PCDHA4: variants seen among roughly 807,000 people sequenced by gnomAD.
PCDHA4 encodes protocadherin alpha-4.
In PCDHA4, 49 loss-of-function variants were observed where a neutral mutation model predicts 61.4. That is an observed-to-expected ratio of 0.80 (90% CI 0.63 to 1.01). The LOEUF (loss-of-function observed/expected upper bound fraction) is 1.01, where lower values mean the gene tolerates loss of function less well. Among genes scored for constraint, PCDHA4 ranks in the 50% least tolerant of loss-of-function variants. The pLI is 0.00. For missense variants in PCDHA4, 1,254 were observed against 1,235.8 expected, an observed-to-expected ratio of 1.01 and a Z score of -0.22; for synonymous variants, 590 against 550.3, an observed-to-expected ratio of 1.07 and a Z score of -1.01.
At chr5:140,990,962 T>C (rs2097423975) in intron 3 of PCDHA4, among the ~76,000 whole-genome samples, 2 of 152,180 alleles carry the variant, frequency 1.3e-5, no homozygotes, top group Non-Finnish European at 2.9e-5. Context: ...AATAGTCTCT[T>C]AGAACAAGAG....
chr5:140,969,292 C>G, intron 1 of PCDHA4: 2 of 1,614,208 alleles, frequency 1.2e-6, no homozygotes, highest in Non-Finnish European at 1.7e-6. Context: ...ATGCTGGGAA[C>G]CTGATTATTC....
chr5:140,823,376 T>C (rs2150125148), intron 1 of PCDHA4: 16 of 1,612,654 alleles, frequency 9.9e-6, no homozygotes, highest in Non-Finnish European at 1.4e-5. Context: ...CAGTTCCAGG[T>C]GAGCGCGCGC....
At chr5:140,920,932 G>A (rs2079937589) in intron 1 of PCDHA4, among the ~76,000 whole-genome samples, 1 of 151,286 alleles carries the variant, frequency 6.6e-6, no homozygotes, top group Admixed American at 6.6e-5. Flanking sequence ...AGGTGATCTA[G>A]CCCTTTCATT....
At chr5:140,946,546 A>G (rs1418590491) in intron 1 of PCDHA4, among the ~76,000 whole-genome samples, 5 of 150,480 alleles carry the variant, frequency 3.3e-5, no homozygotes, top group Admixed American at 1.3e-4. Flanking sequence ...AGCATTATTC[A>G]TGATAGTTCA....
rs1291498310 is a variant in PCDHA4, at chr5:140,946,680, G to A, written c.2386-32269G>A. Among the ~76,000 whole-genome samples, 6 of 145,092 alleles carry A rather than the reference G, an allele frequency of 4.1e-5. No homozygotes were observed. In the East Asian group the frequency reaches 9.9e-4, roughly 24 times the overall value. On this transcript the variant is annotated intron_variant, in intron 1 of 3. Coordinates refer to ENST00000530339, the MANE Select transcript of PCDHA4 (RefSeq NM_018907.4). ...TAGAAAGAATGAAATCCTGTCATTCGTGACAATATGGATGAATCTGGAGGT... is the reference window on the plus strand; with the variant it reads ...TAGAAAGAATGAAATCCTGTCATTCATGACAATATGGATGAATCTGGAGGT...
chr5:140,959,085 G>A (rs1286885776), intron 1 of PCDHA4, among the ~76,000 whole-genome samples: 8 of 151,980 alleles, frequency 5.3e-5, no homozygotes, highest in African/African-American at 1.9e-4. Flanking sequence ...ATTATCCTTG[G>A]TTTCGGACAT....
chr5:140,842,480 T>C (rs1554139085), intron 1 of PCDHA4: 2 of 1,613,826 alleles, frequency 1.2e-6, no homozygotes, highest in Non-Finnish European at 1.7e-6. Flanking sequence ...GCAGGTGACC[T>C]GCTCCCTGAT....
chr5:140,991,838 G>T (rs1056330823), intron 3 of PCDHA4, among the ~76,000 whole-genome samples: 1 of 152,110 alleles, frequency 6.6e-6, no homozygotes, highest in Non-Finnish European at 1.5e-5. Context: ...CGGCAGAACC[G>T]CACTTCCAGA....
chr5:140,854,159 C>CAAAAA (rs59855104), intron 1 of PCDHA4: 4,589 of 339,800 alleles, frequency 0.014, 33 homozygotes, highest in Middle Eastern at 0.024. Flanking sequence ...GATTCTGTCT[C>CAAAAA]AAAAAAAAAA....
intron 1 of PCDHA4, chr5:140,884,716 GTTGT>G (rs782735758): frequency 2.8e-5 from 41 of 1,468,898 alleles, no homozygotes; most frequent in Middle Eastern, 3.6e-4. Flanking sequence ...CTTCCTTGCA[GTTGT>G]TTGTTTAAGA....
chr5:140,962,939 C>CA (rs2095722674), intron 1 of PCDHA4, among the ~76,000 whole-genome samples: 1 of 152,134 alleles, frequency 6.6e-6, no homozygotes, highest in African/African-American at 2.4e-5. Context: ...ACCTCCTCTC[C>CA]ATAAGATATG....
At position 140,836,649 on chromosome 5, in the gene PCDHA4, C is replaced by A; in HGVS notation, c.2385+27077C>A. The A allele has an allele frequency of 2.5e-6, 4 of 1,613,466 alleles. 1 individual carries two copies. The highest frequency in any genetic ancestry group is 3.4e-6 in the Non-Finnish European group (4 of 1,179,602). On this transcript the variant is annotated intron_variant, in intron 1 of 3. Transcript: ENST00000530339. ...CTGGTCATTCTCCCAGCAGAGGCGGCAGAGGGTGTGCTCTGGGGAGGGCCC... is the reference window on the plus strand; with the variant it reads ...CTGGTCATTCTCCCAGCAGAGGCGGAAGAGGGTGTGCTCTGGGGAGGGCCC...
chr5:140,863,019 T>A (rs781817571), intron 1 of PCDHA4: 6 of 554,136 alleles, frequency 1.1e-5, no homozygotes, highest in Admixed American at 5.7e-5. Context: ...GACGCCTGGT[T>A]GTCGCAACAG....
intron 1 of PCDHA4, among the ~76,000 whole-genome samples, chr5:140,954,291 T>C (rs1309677058): frequency 6.6e-6 from 1 of 152,230 alleles, no homozygotes; most frequent in African/African-American, 2.4e-5. Context: ...TTCCTTTGGG[T>C]ACATACCCAG....
intron 1 of PCDHA4, chr5:140,883,696 G>A (rs142212706): frequency 6.2e-7 from 1 of 1,613,818 alleles, no homozygotes; most frequent in Non-Finnish European, 8.5e-7. Flanking sequence ...ACATCTTCAC[G>A]GTGTCTGCTC....
rs533097473 is a variant in PCDHA4 at position 140,902,214 on chromosome 5, T to C, written c.2386-76735T>C. ...CTCTCTCTCTCTTTCTTTTTTTTTT[T>C]TTTTTTTGAGATGAGGACTTGCTTT... On this transcript the variant is annotated intron_variant, in intron 1 of 3. Coordinates refer to ENST00000530339, the MANE Select transcript of PCDHA4 (RefSeq NM_018907.4). Among the ~76,000 whole-genome samples the C allele has an allele frequency of 1.3e-3, 198 of 150,584 alleles. 6 individuals are homozygous for C. The South Asian group carries it at 0.04, about 30-fold the overall frequency.
intron 1 of PCDHA4, chr5:140,928,905 G>T: frequency 6.2e-7 from 1 of 1,614,138 alleles, no homozygotes; most frequent in South Asian, 1.1e-5. Flanking sequence ...AAGATGTCTG[G>T]GAACCAGGAG....
chr5:140,935,405 A>G (rs1554210493), intron 1 of PCDHA4, among the ~76,000 whole-genome samples: 1 of 152,248 alleles, frequency 6.6e-6, no homozygotes, highest in Non-Finnish European at 1.5e-5. Context: ...GGACTCAAAC[A>G]ATGGACTTAG....
At chr5:140,910,719 C>T (rs527945930) in intron 1 of PCDHA4, among the ~76,000 whole-genome samples, 44 of 152,216 alleles carry the variant, frequency 2.9e-4, no homozygotes, top group African/African-American at 1.0e-3. Context: ...TCTTTTAATC[C>T]ATATTTCAGC....
Sources: allele counts gnomAD v4.1 joint callset (sites outside exome capture counted in the v4.1 genomes callset), GRCh38; gene constraint gnomAD v4.1.1; transcripts MANE v1.5; gene names NCBI Gene and HGNC (gene_info 2026-07-23, HGNC 2026-07-21).